RNF125: variants seen among roughly 807,000 people sequenced by gnomAD.
The protein encoded by RNF125 is E3 ubiquitin-protein ligase RNF125.
In RNF125, 21 loss-of-function variants were observed where a neutral mutation model predicts 26.0. The ratio of observed to expected loss-of-function variants is 0.81; its 90% CI spans 0.57 to 1.16. The LOEUF is 1.16. Among genes scored for constraint, RNF125 ranks in the 50% most tolerant of loss-of-function variants. The probability of loss-of-function intolerance (pLI) is 0.00; values close to 1 mark genes in which losing one functional copy is unlikely to be tolerated. For synonymous variants in RNF125, 95 were observed against 109.2 expected (o/e 0.87, Z 0.81); for missense variants, 270 against 299.4 (o/e 0.90, Z 0.72).
the RNF125 span, among the ~76,000 whole-genome samples, chr18:32,082,871 A>G: frequency 6.6e-6 from 1 of 152,204 alleles, no homozygotes; most frequent in Non-Finnish European, 1.5e-5. Context: ...TACCTTTAAC[A>G]AAAAGTGAAT....
At position 32,069,067 on chromosome 18, in the gene RNF125, GGC is replaced by G; in HGVS notation, c.*685_*686del. 1 of 152,174 alleles carries G rather than the reference GGC, an allele frequency of 6.6e-6. No individual in the cohort carries two copies. The highest frequency in any genetic ancestry group is 3.4e-3 in the Middle Eastern group (1 of 296). 9.4% of individuals were successfully genotyped at this position (152,174 alleles called of 1,614,324 possible). A position where few individuals can be genotyped will look rare whatever the true frequency, so the allele number is the denominator to read the frequency against. On this transcript the variant is annotated 3_prime_UTR_variant, in exon 6 of 6. Transcript: ENST00000217740. The stretch of plus-strand genomic sequence containing the variant: ...AATACAAAAATTAGCTGGACGTGTT[GGC>G]GGGCATCTGTAATACCAGCTACTTG...
chr18:32,079,154 C>G, the RNF125 span, among the ~76,000 whole-genome samples: 6 of 152,134 alleles, frequency 3.9e-5, no homozygotes, highest in Non-Finnish European at 8.8e-5. Context: ...AAAAAAATAC[C>G]ATAGACTGGG....
the RNF125 span, among the ~76,000 whole-genome samples, chr18:32,079,951 C>T: frequency 6.6e-6 from 1 of 152,142 alleles, no homozygotes; most frequent in Non-Finnish European, 1.5e-5. Flanking sequence ...ACCTAGGTAA[C>T]CAAATAAAAT....
Position 32,053,082 on chromosome 18 carries a change from G to T in RNF125, c.504+7350G>T, listed in dbSNP as rs189961380. 2.6e-5 allele frequency among the ~76,000 whole-genome samples: 4 copies of T among 152,346 alleles called. No homozygotes were observed. In the East Asian group the frequency reaches 7.7e-4, roughly 29 times the overall value. On this transcript the variant is annotated intron_variant, in intron 4 of 5. Coordinates refer to ENST00000217740, the MANE Select transcript of RNF125 (RefSeq NM_017831.4). ...TTATAGTAGAAAATAGATGTCATTG[G>T]CTGGGTGTGGTGGCTCATGCCTGTA...
intron 4 of RNF125, among the ~76,000 whole-genome samples, chr18:32,051,097 G>A (rs1484474181): frequency 6.6e-6 from 1 of 151,712 alleles, no homozygotes; most frequent in Non-Finnish European, 1.5e-5. Context: ...CTTCCTCAAG[G>A]AAGCCCTCCC....
At chr18:32,021,706 T>C (rs2144425426) in intron 1 of RNF125, among the ~76,000 whole-genome samples, 1 of 152,340 alleles carries the variant, frequency 6.6e-6, no homozygotes, top group African/African-American at 2.4e-5. Context: ...ATGATCTGAC[T>C]GGAGATTGTT....
At chr18:32,031,743 A>G (rs1371840231) in intron 1 of RNF125, among the ~76,000 whole-genome samples, 1 of 152,124 alleles carries the variant, frequency 6.6e-6, no homozygotes, top group Admixed American at 6.6e-5. Context: ...TAATTAGCTG[A>G]GATAGAAAGA....
At chr18:32,021,460 ATGT>A (rs146901390) in intron 1 of RNF125, among the ~76,000 whole-genome samples, 8,284 of 152,138 alleles carry the variant, frequency 0.054, 284 homozygotes, top group African/African-American at 0.1. Flanking sequence ...TCTATTACTG[ATGT>A]TGTTGCTCAG....
chr18:32,081,166 C>T, the RNF125 span, among the ~76,000 whole-genome samples: 1 of 147,084 alleles, frequency 6.8e-6, no homozygotes, highest in Non-Finnish European at 1.5e-5. Flanking sequence ...TGGACTCCAT[C>T]CTAGGCAACA....
chr18:32,064,382 A>ATATTTT (rs1331935078), intron 4 of RNF125, among the ~76,000 whole-genome samples: 5 of 126,346 alleles, frequency 4.0e-5, no homozygotes, highest in Non-Finnish European at 8.5e-5. Context: ...ATCTGGTGAA[A>ATATTTT]TCTTTTTCTT....
intron 1 of RNF125, among the ~76,000 whole-genome samples, chr18:32,019,414 G>A (rs114696900): frequency 8.5e-4 from 129 of 152,210 alleles, no homozygotes; most frequent in African/African-American, 3.0e-3. Context: ...CAGCTACAAG[G>A]CAGGGGCTCC....
chr18:32,035,245 T>C lies in RNF125; in HGVS notation c.165-1871T>C, dbSNP rs1267902745. ...ATGCTGGACAGGTATAAACAACAAG[T>C]AGATGTCTCAATCACTGCACAAGTG... On this transcript the variant is annotated intron_variant, in intron 1 of 5. Transcript: ENST00000217740. 5.9e-5 allele frequency among the ~76,000 whole-genome samples: 9 copies of C among 152,250 alleles called. No homozygotes were observed. The East Asian group carries it at 1.4e-3, about 23-fold the overall frequency.
At chr18:32,075,464 T>C (rs1422374132), downstream of RNF125, among the ~76,000 whole-genome samples, 2 of 152,096 alleles carry the variant, frequency 1.3e-5, no homozygotes, top group Admixed American at 1.3e-4. Flanking sequence ...GAGGCCAAGA[T>C]GGGTGGATCA....
At chr18:32,067,094 T>C (rs1320242405) in intron 5 of RNF125, among the ~76,000 whole-genome samples, 1 of 152,010 alleles carries the variant, frequency 6.6e-6, no homozygotes, top group Admixed American at 6.5e-5. Flanking sequence ...CTACTAAAAA[T>C]ACAAGAAAAT....
At chr18:32,080,743 G>T in the RNF125 span, among the ~76,000 whole-genome samples, 17 of 152,186 alleles carry the variant, frequency 1.1e-4, no homozygotes, top group Non-Finnish European at 1.9e-4. Context: ...CAAAAAATTA[G>T]CTGGGCGTGA....
the RNF125 span, among the ~76,000 whole-genome samples, chr18:32,087,649 T>C: frequency 6.6e-6 from 1 of 152,132 alleles, no homozygotes; most frequent in Non-Finnish European, 1.5e-5. Flanking sequence ...CAATTGGTTA[T>C]TGTGGAGGTT....
chr18:32,027,750 A>G lies in RNF125; in HGVS notation c.164+8723A>G, dbSNP rs544713667. On this transcript the variant is annotated intron_variant, in intron 1 of 5. Transcript: ENST00000217740. ...CCTAAAGATTCGATACTTTGAGTCT[A>G]TAAAACAGGCAGATAACAGATTAAT... is the stretch of plus-strand genomic sequence containing the variant. 1.6e-4 allele frequency among the ~76,000 whole-genome samples: 24 copies of G among 152,334 alleles called. No homozygotes were observed. The South Asian group carries it at 3.1e-3, about 20-fold the overall frequency.
the RNF125 span, among the ~76,000 whole-genome samples, chr18:32,081,055 G>T: frequency 2.0e-5 from 3 of 151,912 alleles, no homozygotes; most frequent in South Asian, 4.2e-4. Flanking sequence ...GTGTGATGGC[G>T]CAGGTCTGTA....
Position 32,018,866 on chromosome 18 carries a change from G to GGGCT in RNF125, c.4_7dup (p.Ser3TrpfsTer41). 1 of 1,574,682 alleles carries GGGCT rather than the reference G, an allele frequency of 6.4e-7. No individual in the cohort carries two copies. The highest frequency in any genetic ancestry group is 1.2e-5 in the South Asian group (1 of 86,872). ...CTGTCTGGGCGAGAGGCACAGCGATGGGCTCCGTGCTGAGCACCGACAGCG... is the reference window on the plus strand; with the variant it reads ...CTGTCTGGGCGAGAGGCACAGCGATGGGCTGGCTCCGTGCTGAGCACCGACAGCG... On this transcript the variant is annotated frameshift_variant, in exon 1 of 6. Transcript: ENST00000217740. LOFTEE classifies it high-confidence loss of function.
Sources: allele counts gnomAD v4.1 joint callset (sites outside exome capture counted in the v4.1 genomes callset), GRCh38; gene constraint gnomAD v4.1.1; transcripts MANE v1.5; gene names NCBI Gene and HGNC (gene_info 2026-07-23, HGNC 2026-07-21).